The following RALB variants were observed in gnomAD, a reference collection of about 807,000 sequenced individuals.
The protein encoded by RALB is RAS like proto-oncogene B, also known as ras-related protein Ral-B.
Under a neutral mutation model 21.3 loss-of-function variants are expected in RALB, and 16 were observed. The observed-to-expected ratio is 0.75, with a 90% confidence interval of 0.51 to 1.14. RALB has a LOEUF of 1.14. Among genes scored for constraint, RALB ranks in the 50% most tolerant of loss-of-function variants. RALB has a pLI of 0.00. For synonymous variants in RALB, 93 were observed against 96.1 expected (o/e 0.97, Z 0.19); for missense variants, 161 against 256.2 (o/e 0.63, Z 2.54).
At chr2:120,273,057 C>T (rs899569687) in intron 1 of RALB, among the ~76,000 whole-genome samples, 14 of 152,136 alleles carry the variant, frequency 9.2e-5, no homozygotes, top group African/African-American at 3.4e-4. Context: ...GGTCTTCCTG[C>T]CCACTGCACA....
At chr2:120,254,802 C>T (rs1374292838) in intron 1 of RALB, among the ~76,000 whole-genome samples, 1 of 152,120 alleles carries the variant, frequency 6.6e-6, no homozygotes, top group East Asian at 1.9e-4. Flanking sequence ...CTCAGCCTCC[C>T]GAGTAGCTTG....
intron 1 of RALB, among the ~76,000 whole-genome samples, chr2:120,271,394 G>A (rs1250608887): frequency 2.0e-5 from 3 of 152,146 alleles, no homozygotes; most frequent in Admixed American, 1.3e-4. Flanking sequence ...CCACTTTCCC[G>A]ACAAGTCATC....
chr2:120,271,355 T>C (rs1390224380), intron 1 of RALB, among the ~76,000 whole-genome samples: 9 of 152,212 alleles, frequency 5.9e-5, no homozygotes, highest in African/African-American at 1.9e-4. Flanking sequence ...TAACATTACA[T>C]AGAAAAACCA....
upstream of RALB, among the ~76,000 whole-genome samples, chr2:120,248,504 C>T (rs1689006210): frequency 7.9e-5 from 12 of 152,156 alleles, no homozygotes; most frequent in South Asian, 2.5e-3. Context: ...AGCTCTCTTG[C>T]TCCCTTCCTC....
chr2:120,259,089 G>A (rs550331225), intron 1 of RALB, among the ~76,000 whole-genome samples: 1 of 152,182 alleles, frequency 6.6e-6, no homozygotes, highest in Non-Finnish European at 1.5e-5. Context: ...CGGGAGTGAA[G>A]CTGCAGATCT....
At chr2:120,283,739 C>T (rs544372641) in intron 2 of RALB, among the ~76,000 whole-genome samples, 4 of 152,298 alleles carry the variant, frequency 2.6e-5, no homozygotes, top group African/African-American at 7.2e-5. Flanking sequence ...AAAGGGTCCA[C>T]GTGAAGTTTG....
chr2:120,285,193 G>A (rs1055836314), intron 2 of RALB, among the ~76,000 whole-genome samples: 2 of 152,130 alleles, frequency 1.3e-5, no homozygotes, highest in Admixed American at 1.3e-4. Context: ...GCAGAGCGAA[G>A]TGGGGAAAAG....
intron 4 of RALB, among the ~76,000 whole-genome samples, chr2:120,292,766 A>T (rs1690335881): frequency 1.3e-5 from 2 of 152,122 alleles, no homozygotes; most frequent in South Asian, 4.1e-4. Flanking sequence ...CGCCTGGGCA[A>T]TATGGGGAGA....
intron 2 of RALB, among the ~76,000 whole-genome samples, chr2:120,282,119 A>G (rs1558955704): frequency 1.3e-5 from 2 of 151,962 alleles, no homozygotes; most frequent in Non-Finnish European, 2.9e-5. Flanking sequence ...ATCCAAGGAG[A>G]GAAGATTCCC....
At chr2:120,258,487 C>T (rs190230386) in intron 1 of RALB, among the ~76,000 whole-genome samples, 21 of 152,290 alleles carry the variant, frequency 1.4e-4, no homozygotes, top group African/African-American at 4.6e-4. Flanking sequence ...ACGGAGGCCA[C>T]GGCCAGTGGA....
chr2:120,265,305 T>C (rs1689475984), intron 1 of RALB, among the ~76,000 whole-genome samples: 2 of 152,220 alleles, frequency 1.3e-5, no homozygotes, highest in African/African-American at 2.4e-5. Context: ...TGGGCAGTTG[T>C]AACACAATGG....
chr2:120,242,245 G>A (rs924296925), intron 1 of RALB, among the ~76,000 whole-genome samples: 3 of 152,202 alleles, frequency 2.0e-5, no homozygotes, highest in African/African-American at 7.2e-5. Flanking sequence ...TGGTTGCCAG[G>A]GGCTGGGGGC....
At chr2:120,279,882 G>C (rs376571833) in intron 2 of RALB, among the ~76,000 whole-genome samples, 2 of 152,204 alleles carry the variant, frequency 1.3e-5, no homozygotes, top group African/African-American at 4.8e-5. Context: ...AGCTGGAGTG[G>C]CCATGGGCAT....
In RALB at chr2:120,280,400, TG is replaced by T. The variant is rs530143762; in HGVS notation, c.114+1623del. ...TAAAAAAGAATGAGTTCATGTCCTT[TG>T]CAGGGACATCGATGAAGCTGGAAAC... On this transcript the variant is annotated intron_variant, in intron 2 of 4. Transcript: ENST00000272519. 1.1e-4 allele frequency among the ~76,000 whole-genome samples: 17 copies of T among 152,314 alleles called. No individual in the cohort carries two copies. The East Asian group carries it at 3.3e-3, about 29-fold the overall frequency.
chr2:120,242,384 T>C (rs1372496338), intron 1 of RALB, among the ~76,000 whole-genome samples: 1 of 152,204 alleles, frequency 6.6e-6, no homozygotes, highest in East Asian at 1.9e-4. Context: ...ACAGCTAAGA[T>C]GGTGACTTTT....
intron 3 of RALB, among the ~76,000 whole-genome samples, chr2:120,288,401 T>C (rs904089228): frequency 1.4e-5 from 2 of 138,412 alleles, no homozygotes; most frequent in African/African-American, 5.4e-5. Context: ...CCCAGGCTGG[T>C]CTTGAACTCC....
At chr2:120,277,308 G>A (rs189503024) in intron 1 of RALB, among the ~76,000 whole-genome samples, 106 of 151,896 alleles carry the variant, frequency 7.0e-4, no homozygotes, top group South Asian at 3.0e-3. Context: ...TTCTGTGAAC[G>A]TGTTACAGCA....
chr2:120,284,756 CA>C (rs200242586), intron 2 of RALB, among the ~76,000 whole-genome samples: 8 of 57,766 alleles, frequency 1.4e-4, no homozygotes, highest in African/African-American at 5.4e-4. Flanking sequence ...CAAAAAAAAC[CA>C]ACCTACGTAT....
chr2:120,262,674 C>T (rs1689396503), intron 1 of RALB, among the ~76,000 whole-genome samples: 1 of 152,174 alleles, frequency 6.6e-6, no homozygotes, highest in African/African-American at 2.4e-5. Flanking sequence ...TCAGCCTTCA[C>T]ATACTGACAC....
Sources: allele counts gnomAD v4.1 joint callset (sites outside exome capture counted in the v4.1 genomes callset), GRCh38; gene constraint gnomAD v4.1.1; transcripts MANE v1.5; gene names NCBI Gene and HGNC (gene_info 2026-07-23, HGNC 2026-07-21).